Variants in ACP7 observed in about 807,000 individuals in gnomAD.
The protein encoded by ACP7 is acid phosphatase type 7.
A neutral mutation model predicts 60.6 loss-of-function variants in ACP7; 58 were observed. The observed-to-expected ratio is 0.96, with a 90% CI of 0.77 to 1.19. The LOEUF (loss-of-function observed/expected upper bound fraction) is 1.19. ACP7 is among the 50% of genes most tolerant of loss of function. The pLI, the probability that ACP7 is intolerant of heterozygous loss-of-function variation, is 0.00. For missense variants in ACP7, 574 were observed against 596.2 expected (o/e 0.96, Z 0.39); for synonymous variants, 237 against 232.6 (o/e 1.02, Z -0.17).
At chr19:39,084,276 C>G (rs1022931851), upstream of ACP7, 8 of 152,412 alleles carry the variant, frequency 5.2e-5, no homozygotes, top group Non-Finnish European at 1.0e-4. Context: ...CACCCCGAGG[C>G]GACCGGCTCT....
intron 2 of ACP7, among the ~76,000 whole-genome samples, chr19:39,085,793 C>T (rs1039014344): frequency 2.6e-5 from 4 of 152,160 alleles, no homozygotes; most frequent in Admixed American, 6.5e-5. Flanking sequence ...CTCTTCCCCA[C>T]GAGGCTGACT....
intron 2 of ACP7, among the ~76,000 whole-genome samples, chr19:39,097,215 T>C (rs552282712): frequency 1.3e-5 from 2 of 152,042 alleles, no homozygotes; most frequent in Non-Finnish European, 2.9e-5. Flanking sequence ...ATGAGAACAG[T>C]ATGGGGGAAA....
At chr19:39,100,896 C>T in intron 7 of ACP7, 43 bp downstream of exon 7, 6 of 1,608,488 alleles carry the variant, frequency 3.7e-6, no homozygotes, top group Non-Finnish European at 5.1e-6. Flanking sequence ...GCCAGCCCCA[C>T]CTCCCCCTCC....
intron 2 of ACP7, among the ~76,000 whole-genome samples, chr19:39,097,316 C>T (rs563296761): frequency 2.6e-5 from 4 of 150,948 alleles, no homozygotes; most frequent in Non-Finnish European, 5.9e-5. Context: ...GGTGGGGACA[C>T]AGAGCCAAAC....
At chr19:39,090,925 T>C (rs74950159) in intron 2 of ACP7, among the ~76,000 whole-genome samples, 2,645 of 152,078 alleles carry the variant, frequency 0.017, 79 homozygotes, top group African/African-American at 0.06. Flanking sequence ...ATTTACATCA[T>C]GGACTCATGG....
At position 39,107,027 on chromosome 19, in the gene ACP7, G is replaced by A. The variant is rs1345264616; in HGVS notation, c.1194G>A (p.Thr398=). 23 of 1,613,956 alleles carry A rather than the reference G, an allele frequency of 1.4e-5. No individual in the cohort carries two copies. The highest frequency in any genetic ancestry group is 2.2e-5 in the East Asian group (1 of 44,894). Reference sequence around the variant, plus strand: ...TGCGTGTGAAGGAGTACGGGTATACGCGGCTGCACATCCTCAACGGGACCC... The same window carrying A: ...TGCGTGTGAAGGAGTACGGGTATACACGGCTGCACATCCTCAACGGGACCC... ...SAVRVKEYGY[T]RLHILNGTHI... The change falls in exon 12 of 13, where the codon ACG becomes ACA. Residue 398 remains threonine, a synonymous_variant. Coordinates refer to ENST00000331256, the MANE Select transcript of ACP7 (RefSeq NM_001004318.3).
At chr19:39,102,743 C>CTTTCTTTCTT (rs1261583268) in intron 11 of ACP7, among the ~76,000 whole-genome samples, 1 of 82,532 alleles carries the variant, frequency 1.2e-5, no homozygotes, top group Non-Finnish European at 2.6e-5. Flanking sequence ...TTCTTTCTTT[C>CTTTCTTTCTT]TTTCTTTCTT....
At chr19:39,091,240 G>GTA (rs2073201076) in intron 2 of ACP7, among the ~76,000 whole-genome samples, 2 of 150,792 alleles carry the variant, frequency 1.3e-5, no homozygotes. Context: ...TCAGCTCACA[G>GTA]CAACCTCCGC....
chr19:39,100,754 C>G lies in ACP7; in HGVS notation c.708C>G (p.Pro236=). Residue 236 remains proline, a synonymous_variant, in exon 7 of 13, where the codon CCC becomes CCG. Transcript: ENST00000331256. ...ACTCCTCCAGCTGGGATCTGGGTCC[C>G]GCCCACATCATCTCCTTCTCCACCG... The part of the protein sequence containing the change: ...EGLWYSWDLG[P]AHIISFSTEV... The G allele has an allele frequency of 6.2e-7, 1 of 1,613,978 alleles. No homozygotes were observed. Among genetic ancestry groups the G allele is most frequent in the Non-Finnish European group, 8.5e-7 (1 of 1,179,968 alleles).
chr19:39,088,902 T>C (rs1297344747), intron 2 of ACP7, among the ~76,000 whole-genome samples: 5 of 150,736 alleles, frequency 3.3e-5, no homozygotes, highest in Admixed American at 6.6e-5. Flanking sequence ...CGCATCACCA[T>C]GCCTGGCTGA....
intron 11 of ACP7, among the ~76,000 whole-genome samples, chr19:39,106,233 GCTT>G (rs1317233736): frequency 1.3e-5 from 2 of 152,162 alleles, no homozygotes; most frequent in African/African-American, 4.8e-5. Flanking sequence ...GTGCAGCCAG[GCTT>G]CAGATCCAGT....
chr19:39,108,002 G>A (rs535561430), intron 12 of ACP7, among the ~76,000 whole-genome samples: 2 of 152,148 alleles, frequency 1.3e-5, no homozygotes, highest in Non-Finnish European at 2.9e-5. Context: ...AGTGAGCTAT[G>A]ATCTCGCCTC....
At chr19:39,088,082 C>T (rs760266182) in intron 2 of ACP7, among the ~76,000 whole-genome samples, 15 of 152,042 alleles carry the variant, frequency 9.9e-5, no homozygotes, top group African/African-American at 3.1e-4. Context: ...AATGCAATGG[C>T]GCAATCATAG....
Position 39,100,273 on chromosome 19 carries a change from T to G in ACP7, c.552T>G (p.Asp184Glu). The G allele has an allele frequency of 6.2e-7, 1 of 1,614,046 alleles. No homozygotes were observed. Among genetic ancestry groups the G allele is most frequent in the Non-Finnish European group, 8.5e-7 (1 of 1,180,018 alleles). The part of the protein sequence containing the change: ...NLDQDNARVG[D>E]RFMRLIEPVA... ...ATCAGGACAACGCCCGTGTTGGGGA[T>G]AGGTTCATGCGGCTCATTGAACCCG... Residue 184 changes from aspartate (D) to glutamate (E), a missense_variant, in exon 5 of 13, where the codon GAT (aspartate) becomes GAG (glutamate). Asp to Glu is a conservative substitution (Grantham distance 45). Transcript: ENST00000331256.
intron 2 of ACP7, among the ~76,000 whole-genome samples, chr19:39,089,508 GAAATC>G (rs1001679687): frequency 6.6e-6 from 1 of 152,168 alleles, no homozygotes; most frequent in Non-Finnish European, 1.5e-5. Flanking sequence ...TTAAAACTGA[GAAATC>G]AAGATTGGTA....
chr19:39,096,124 C>T (rs1449972217), intron 2 of ACP7, among the ~76,000 whole-genome samples: 4 of 152,188 alleles, frequency 2.6e-5, no homozygotes, highest in East Asian at 1.9e-4. Flanking sequence ...TTCATCTCCT[C>T]GTTACTTATG....
At position 39,101,287 on chromosome 19, in the gene ACP7, G is replaced by C; in HGVS notation, c.974-1G>C. 2 of 1,614,188 alleles carry C rather than the reference G, an allele frequency of 1.2e-6. No individual in the cohort carries two copies. The highest frequency in any genetic ancestry group is 1.7e-6 in the Non-Finnish European group (2 of 1,180,042). Reference sequence around the variant, plus strand: ...TCTGATCCCCGCTTGCTCTATCTCAGGAGTGGATCTGCAGCTGTGGGCTCA... The same window carrying C: ...TCTGATCCCCGCTTGCTCTATCTCACGAGTGGATCTGCAGCTGTGGGCTCA... On this transcript the variant is annotated splice_acceptor_variant, in intron 9 of 12. Transcript: ENST00000331256. LOFTEE classifies it high-confidence loss of function.
chr19:39,087,263 C>T lies in ACP7; in HGVS notation c.121+1873C>T, dbSNP rs773851929. 5.3e-5 allele frequency among the ~76,000 whole-genome samples: 8 copies of T among 152,320 alleles called. No individual in the cohort carries two copies. In the South Asian group the frequency reaches 6.2e-4, roughly 12 times the overall value. ...CTAAGCTCAAGCGATCCTCCAGTCT[C>T]GGCCTCCCAAAGTGCTGGGATTACA... On this transcript the variant is annotated intron_variant, in intron 2 of 12. Coordinates refer to ENST00000331256, the MANE Select transcript of ACP7 (RefSeq NM_001004318.3).
chr19:39,095,783 C>T (rs1400939230), intron 2 of ACP7, among the ~76,000 whole-genome samples: 2 of 152,242 alleles, frequency 1.3e-5, no homozygotes, highest in Non-Finnish European at 2.9e-5. Flanking sequence ...CGTTTCCATA[C>T]ATCTTCTGAA....
Sources: allele counts gnomAD v4.1 joint callset (sites outside exome capture counted in the v4.1 genomes callset), GRCh38; gene constraint gnomAD v4.1.1; transcripts MANE v1.5; gene names NCBI Gene and HGNC (gene_info 2026-07-23, HGNC 2026-07-21).